PLEKHG7: variants seen among roughly 807,000 people sequenced by gnomAD.
The protein encoded by PLEKHG7 is pleckstrin homology and RhoGEF domain containing G7, also known as pleckstrin homology domain-containing family G member 7.
Under a neutral mutation model 85.2 loss-of-function variants are expected in PLEKHG7, and 77 were observed. The observed-to-expected ratio is 0.90, with a 90% CI of 0.75 to 1.09. The LOEUF is 1.09. Ranked by LOEUF, PLEKHG7 falls within the 50% of genes least tolerant of loss-of-function variation. The pLI is 0.00. For missense variants in PLEKHG7, 777 were observed against 804.3 expected, an observed-to-expected ratio of 0.97 and a Z score of 0.41; for synonymous variants, 301 against 302.4, an observed-to-expected ratio of 1.00 and a Z score of 0.05.
intron 5 of PLEKHG7, among the ~76,000 whole-genome samples, chr12:92,733,502 C>G (rs1013687779): frequency 6.6e-6 from 1 of 152,150 alleles, no homozygotes; most frequent in Non-Finnish European, 1.5e-5. Flanking sequence ...AATGGTAACA[C>G]CATTGCCACC....
At chr12:92,717,330 A>T (rs1871518783) in intron 3 of PLEKHG7, among the ~76,000 whole-genome samples, 1 of 152,244 alleles carries the variant, frequency 6.6e-6, no homozygotes, top group Non-Finnish European at 1.5e-5. Context: ...AATGCCAGTA[A>T]AACTTCCCCC....
rs570070733 is a variant in PLEKHG7 at position 92,768,832 on chromosome 12, A to T, written c.1871-151A>T. The T allele has an allele frequency of 3.4e-4, 167 of 492,108 alleles. 1 individual carries two copies. Among genetic ancestry groups the T allele is most frequent in the Admixed American group, 1.3e-3 (34 of 26,258 alleles). The allele number at this position is 492,108 out of a possible 1,614,324, so 30.5% of individuals were successfully genotyped here. A position where few individuals can be genotyped will look rare whatever the true frequency, so the allele number is the denominator to read the frequency against. ...GGGTCTTGGCATTGAAATAAAATTT[A>T]AAAAAAAATTATAAGCTAGATAAAC... On this transcript the variant is annotated intron_variant, in intron 15 of 16. Coordinates refer to ENST00000344636, the MANE Select transcript of PLEKHG7 (RefSeq NM_001377329.1).
At chr12:92,744,840 T>C (rs1471060607) in intron 9 of PLEKHG7, among the ~76,000 whole-genome samples, 2 of 152,124 alleles carry the variant, frequency 1.3e-5, no homozygotes, top group East Asian at 3.9e-4. Flanking sequence ...TAATTTTTTG[T>C]ATTTTTTATT....
chr12:92,706,869 T>G lies in PLEKHG7; in HGVS notation c.238T>G (p.Phe80Val), dbSNP rs1871246245. The G allele has an allele frequency of 1.9e-6, 3 of 1,613,958 alleles. No individual in the cohort carries two copies. In the East Asian group the frequency reaches 6.7e-5, roughly 36 times the overall value. The change falls in exon 2 of 17, where the codon TTC becomes GTC. Residue 80 changes from phenylalanine to valine, a missense_variant. Physicochemically the swap from Phe to Val is conservative, Grantham distance 50. Around this residue, in one of 3 missense-constraint regions of PLEKHG7, gnomAD observed 252 missense variants for 241.9 expected, o/e 1.04. Coordinates refer to ENST00000344636, the MANE Select transcript of PLEKHG7 (RefSeq NM_001377329.1). ...TWGSWGAPVG[F>V]PCYLSKSLPG... ...GGGAAGCTGGGGAGCTCCTGTGGGC[T>G]TCCCATGTTACCTTTCGAAGAGCCT...
At chr12:92,737,248 G>C (rs1872183375) in intron 6 of PLEKHG7, 130 bp from the exon 7 acceptor site, 1 of 787,498 alleles carries the variant, frequency 1.3e-6, no homozygotes, top group African/African-American at 1.8e-5. Flanking sequence ...GGGATGCCCA[G>C]GGTCTGAAGC....
chr12:92,731,368 C>G (rs1391725783), intron 4 of PLEKHG7, among the ~76,000 whole-genome samples: 3 of 152,170 alleles, frequency 2.0e-5, no homozygotes, highest in Non-Finnish European at 4.4e-5. Context: ...GTGCCTTAAG[C>G]ACATCCTTTG....
chr12:92,753,540 T>C (rs1469493705), intron 10 of PLEKHG7, among the ~76,000 whole-genome samples: 2 of 152,168 alleles, frequency 1.3e-5, no homozygotes, highest in Non-Finnish European at 2.9e-5. Flanking sequence ...AAACTCTCCC[T>C]ATTGAAAATT....
chr12:92,768,966 G>A lies in PLEKHG7; in HGVS notation c.1871-17G>A, dbSNP rs1286224683. 1.3e-6 allele frequency: 2 copies of A among 1,510,842 alleles called. No individual in the cohort carries two copies. Among genetic ancestry groups the A allele is most frequent in the Non-Finnish European group, 1.8e-6 (2 of 1,104,478 alleles). 93.6% of individuals were successfully genotyped at this position (1,510,842 alleles called of 1,614,324 possible). A position where few individuals can be genotyped will look rare whatever the true frequency, so the allele number is the denominator to read the frequency against. Reference sequence around the variant, plus strand: ...TGAAATGATTTGGCTTTTTGTCTTTGTAATATCTTTTTCTAGTCTTTGGGC... The same window carrying A: ...TGAAATGATTTGGCTTTTTGTCTTTATAATATCTTTTTCTAGTCTTTGGGC... On this transcript the variant is annotated splice_polypyrimidine_tract_variant and intron_variant, in intron 15 of 16. Coordinates refer to ENST00000344636, the MANE Select transcript of PLEKHG7 (RefSeq NM_001377329.1).
chr12:92,724,711 A>C (rs946372605), intron 3 of PLEKHG7, among the ~76,000 whole-genome samples: 5 of 152,212 alleles, frequency 3.3e-5, no homozygotes, highest in Non-Finnish European at 5.9e-5. Flanking sequence ...TAAACAGAAG[A>C]AGCTAGCTAA....
intron 13 of PLEKHG7, 73 bp from the exon 14 acceptor site, chr12:92,761,666 GAAAGAAAGAAAGA>G (rs776682350): frequency 0.013 from 17,515 of 1,340,990 alleles, 385 homozygotes; most frequent in Non-Finnish European, 0.014. Context: ...AAGAAAGAAA[GAAAGAAAGAAAGA>G]AAGAAAGGGA....
chr12:92,741,706 C>A (rs1469251576), intron 9 of PLEKHG7, 114 bp downstream of exon 9: 1 of 632,602 alleles, frequency 1.6e-6, no homozygotes, highest in Non-Finnish European at 2.5e-6. Context: ...TACCTCCACT[C>A]TCCTACAAAG....
chr12:92,757,256 T>C (rs1330451950), intron 13 of PLEKHG7, among the ~76,000 whole-genome samples: 1 of 152,236 alleles, frequency 6.6e-6, no homozygotes, highest in African/African-American at 2.4e-5. Context: ...CTCAAAAGAA[T>C]GATTGACACA....
chr12:92,768,874 A>C, intron 15 of PLEKHG7, 109 bp from the exon 16 acceptor site: 2 of 748,302 alleles, frequency 2.7e-6, no homozygotes, highest in Non-Finnish European at 4.2e-6. Context: ...CCCTCGTTAA[A>C]ACAGAAACAA....
intron 3 of PLEKHG7, among the ~76,000 whole-genome samples, chr12:92,723,536 C>G (rs1163615181): frequency 6.6e-6 from 1 of 152,108 alleles, no homozygotes; most frequent in Non-Finnish European, 1.5e-5. Flanking sequence ...ATTCAATAAT[C>G]AGTCTAATAG....
intron 3 of PLEKHG7, among the ~76,000 whole-genome samples, chr12:92,714,641 T>C (rs1274068439): frequency 6.6e-6 from 1 of 152,192 alleles, no homozygotes; most frequent in Non-Finnish European, 1.5e-5. Context: ...CCTGAGTTCA[T>C]CATTTTCTCT....
chr12:92,767,440 C>A (rs769056587), intron 15 of PLEKHG7, among the ~76,000 whole-genome samples: 8 of 151,724 alleles, frequency 5.3e-5, no homozygotes, highest in Non-Finnish European at 1.0e-4. Context: ...ATCTTTAAAG[C>A]CTCACTTGCT....
chr12:92,753,967 C>A lies in PLEKHG7; in HGVS notation c.1252-123C>A, dbSNP rs146244022. 306 of 927,546 alleles carry A rather than the reference C, an allele frequency of 3.3e-4. 2 individuals are homozygous for A. In the African/African-American group the frequency reaches 4.7e-3, roughly 14 times the overall value. 57.5% of individuals were successfully genotyped at this position (927,546 alleles called of 1,614,324 possible). A position where few individuals can be genotyped will look rare whatever the true frequency, so the allele number is the denominator to read the frequency against. On this transcript the variant is annotated intron_variant, in intron 10 of 16. Coordinates refer to ENST00000344636, the MANE Select transcript of PLEKHG7 (RefSeq NM_001377329.1). The stretch of plus-strand genomic sequence containing the variant: ...ATTTGTGGCTTATAAATTGTCCCAG[C>A]AAACTCACAAGTAGGTCCTGCAGTT...
At chr12:92,720,605 C>T (rs941553476) in intron 3 of PLEKHG7, among the ~76,000 whole-genome samples, 2 of 152,152 alleles carry the variant, frequency 1.3e-5, no homozygotes, top group Non-Finnish European at 2.9e-5. Context: ...GGATTACAGG[C>T]GTGAGCTACT....
Position 92,751,515 on chromosome 12 carries a change from G to A in PLEKHG7, c.1252-2575G>A, listed in dbSNP as rs190593440. On this transcript the variant is annotated intron_variant, in intron 10 of 16. Coordinates refer to ENST00000344636, the MANE Select transcript of PLEKHG7 (RefSeq NM_001377329.1). ...TGCGTAGCTGGGATTACAGGCGTGC[G>A]CCACCATGCCTGGCTAATTTTTTTT... Among the ~76,000 whole-genome samples the A allele has an allele frequency of 3.2e-3, 482 of 149,556 alleles. 5 individuals are homozygous for A. Among genetic ancestry groups the A allele is most frequent in the African/African-American group, 0.011 (458 of 40,578 alleles).
Sources: allele counts gnomAD v4.1 joint callset (sites outside exome capture counted in the v4.1 genomes callset), GRCh38; gene constraint gnomAD v4.1.1; regional missense constraint gnomAD v4.1.1; transcripts MANE v1.5; gene names NCBI Gene and HGNC (gene_info 2026-07-23, HGNC 2026-07-21).